The following GYPB variants were observed in gnomAD, a reference collection of about 807,000 sequenced individuals.
GYPB encodes glycophorin B (MNS blood group).
A neutral mutation model predicts 15.3 loss-of-function variants in GYPB; 13 were observed. The ratio of observed to expected loss-of-function variants is 0.85; its 90% CI spans 0.55 to 1.35. The LOEUF is 1.35. GYPB is among the 40% of genes most tolerant of loss of function. GYPB has a pLI of 0.00. For synonymous variants in GYPB, 38 were observed against 36.9 expected, an observed-to-expected ratio of 1.03 and a Z score of -0.11; for missense variants, 131 against 108.3, an observed-to-expected ratio of 1.21 and a Z score of -0.93.
In GYPB at chr4:144,015,543, G is replaced by T. The variant is rs188038966; in HGVS notation, c.37+3708C>A. Among the ~76,000 whole-genome samples, 128 of 151,510 alleles carry T rather than the reference G, an allele frequency of 8.4e-4. 7 individuals are homozygous for T. The highest frequency in any genetic ancestry group is 2.9e-3 in the African/African-American group (120 of 40,836). ...TCCCCAAAAGTATACTTCTCAAATAGTCTCATAGATGTTTTGAATAATCTT... is the reference window on the plus strand; with the variant it reads ...TCCCCAAAAGTATACTTCTCAAATATTCTCATAGATGTTTTGAATAATCTT... On this transcript the variant is annotated intron_variant, in intron 1 of 4. Coordinates refer to ENST00000502664, the MANE Select transcript of GYPB (RefSeq NM_002100.6).
intron 1 of GYPB, among the ~76,000 whole-genome samples, chr4:144,016,459 T>C (rs1728508133): frequency 6.7e-6 from 1 of 149,846 alleles, no homozygotes; most frequent in Non-Finnish European, 1.5e-5. Context: ...TTCTCTCTCC[T>C]TCTCCCTCCC....
At chr4:144,010,885 G>A (rs1193394846) in intron 1 of GYPB, among the ~76,000 whole-genome samples, 2 of 151,240 alleles carry the variant, frequency 1.3e-5, no homozygotes, top group Non-Finnish European at 2.9e-5. Flanking sequence ...ATTACAAGTA[G>A]GCTGTATACT....
intron 1 of GYPB, among the ~76,000 whole-genome samples, chr4:144,015,507 T>C (rs1728441579): frequency 6.6e-6 from 1 of 151,472 alleles, no homozygotes; most frequent in African/African-American, 2.5e-5. Flanking sequence ...TAAAGATAAC[T>C]TGGGGGAAAT....
At chr4:144,005,965 C>T (rs1370566919) in intron 1 of GYPB, among the ~76,000 whole-genome samples, 2 of 151,450 alleles carry the variant, frequency 1.3e-5, no homozygotes, top group African/African-American at 4.9e-5. Flanking sequence ...GCTTAGGTCA[C>T]CTAGCAGGCA....
chr4:144,000,409 G>A, intron 2 of GYPB: 1 of 1,135,384 alleles, frequency 8.8e-7, no homozygotes, highest in South Asian at 1.6e-5. Context: ...AGGGGAAACA[G>A]TTGTAACAGA....
At chr4:144,018,196 T>C (rs559848748) in intron 1 of GYPB, among the ~76,000 whole-genome samples, 12 of 151,492 alleles carry the variant, frequency 7.9e-5, no homozygotes, top group Middle Eastern at 3.4e-3. Context: ...AGTACCAACA[T>C]TGCCTGCATT....
intron 1 of GYPB, among the ~76,000 whole-genome samples, chr4:144,010,193 G>A (rs1316624130): frequency 5.9e-5 from 9 of 151,326 alleles, no homozygotes; most frequent in Non-Finnish European, 1.2e-4. Flanking sequence ...TCTAGGTGTG[G>A]TGGCTCATGC....
At chr4:144,004,785 T>A (rs1466803797) in intron 1 of GYPB, among the ~76,000 whole-genome samples, 1 of 151,890 alleles carries the variant, frequency 6.6e-6, no homozygotes, top group Non-Finnish European at 1.5e-5. Context: ...TCTCCTAGAT[T>A]CCTAAGACCC....
intron 1 of GYPB, among the ~76,000 whole-genome samples, chr4:144,012,912 A>G (rs1193844114): frequency 6.6e-6 from 1 of 151,728 alleles, no homozygotes; most frequent in African/African-American, 2.4e-5. Flanking sequence ...ATTTTTAGAT[A>G]TGATATCAAA....
chr4:143,996,636 A>G (rs6835071), intron 4 of GYPB, among the ~76,000 whole-genome samples: 103,819 of 149,406 alleles, frequency 0.69, 36,844 homozygotes, highest in East Asian at 0.95. Context: ...CAGGCATGGT[A>G]GCCCGCACCT....
In GYPB at chr4:143,996,543, T is replaced by C. The variant is rs551120245; in HGVS notation, c.271-239A>G. 3.3e-5 allele frequency among the ~76,000 whole-genome samples: 5 copies of C among 151,042 alleles called. No individual in the cohort carries two copies. The East Asian group carries it at 9.7e-4, about 29-fold the overall frequency. On this transcript the variant is annotated intron_variant, in intron 4 of 4. Transcript: ENST00000502664. ...CACTTTGGAGGCCAAGGCAGGTGGA[T>C]CACTTGAGGTCAGGAGTTTGAAACC...
At chr4:144,005,139 A>G (rs1727838442) in intron 1 of GYPB, among the ~76,000 whole-genome samples, 2 of 151,980 alleles carry the variant, frequency 1.3e-5, no homozygotes, top group Non-Finnish European at 2.9e-5. Context: ...CAGAAGGTAC[A>G]TTTAAGCTAG....
In GYPB at chr4:144,000,453, A is replaced by C. The variant is rs1262856134; in HGVS notation, c.136+732T>G. The C allele has an allele frequency of 4.2e-6, 5 of 1,178,628 alleles. No individual in the cohort carries two copies. The Admixed American group carries it at 1.4e-4, about 33-fold the overall frequency. 73.0% of individuals were successfully genotyped at this position (1,178,628 alleles called of 1,614,324 possible). On this transcript the variant is annotated intron_variant, in intron 2 of 4. Transcript: ENST00000502664. ...AAACTTCATTAGCAGTATGAGCTGG[A>C]CATGTGTCCCGTTTGTGCTTATCTG... is the stretch of plus-strand genomic sequence containing the variant.
At chr4:143,996,926 A>C (rs1727348339) in intron 4 of GYPB, among the ~76,000 whole-genome samples, 1 of 151,080 alleles carries the variant, frequency 6.6e-6, no homozygotes, top group African/African-American at 2.5e-5. Flanking sequence ...ATATTTATTG[A>C]GACATGGTCT....
intron 1 of GYPB, among the ~76,000 whole-genome samples, chr4:144,013,801 C>T (rs937993312): frequency 3.3e-5 from 5 of 150,740 alleles, no homozygotes; most frequent in South Asian, 2.1e-4. Flanking sequence ...GGGATAGCAT[C>T]GGGAGATATA....
Position 144,009,987 on chromosome 4 carries a change from A to G in GYPB, c.38-8704T>C, listed in dbSNP as rs184921108. ...GTAAGGTATACAAAACTAGGGGGCC[A>G]GCCGTTCACAGGCTATAGTTTGCTT... is the stretch of plus-strand genomic sequence containing the variant. On this transcript the variant is annotated intron_variant, in intron 1 of 4. Transcript: ENST00000502664. 7.3e-3 allele frequency among the ~76,000 whole-genome samples: 1,102 copies of G among 151,224 alleles called. 13 individuals are homozygous for G. Among genetic ancestry groups the G allele is most frequent in the South Asian group, 0.012 (59 of 4,810 alleles).
At chr4:144,014,502 T>G (rs1304444746) in intron 1 of GYPB, among the ~76,000 whole-genome samples, 1 of 151,506 alleles carries the variant, frequency 6.6e-6, no homozygotes, top group Non-Finnish European at 1.5e-5. Context: ...ATGGATGAAC[T>G]TTATTTTAGG....
intron 3 of GYPB, among the ~76,000 whole-genome samples, chr4:143,998,076 G>A (rs185965608): frequency 1.2e-3 from 178 of 151,462 alleles, no homozygotes; most frequent in Admixed American, 2.6e-3. Context: ...AAAGAAACTG[G>A]TATAAACAGT....
rs777374539 is a variant in GYPB, at chr4:144,001,266, C to G, written c.55G>C (p.Ala19Pro). The G allele has an allele frequency of 6.2e-7, 1 of 1,612,754 alleles. No homozygotes were observed. The highest frequency in any genetic ancestry group is 8.5e-7 in the Non-Finnish European group (1 of 1,179,810). The change falls in exon 2 of 5, where the codon GCA (alanine) becomes CCA (proline). Residue 19 changes from alanine to proline, a missense_variant. Coordinates refer to ENST00000502664, the MANE Select transcript of GYPB (RefSeq NM_002100.6). ...LLLSEIVSIS[A>P]LSTTEVAMHT... ...ATTGCCACCTCAGTGGTACTTAATG[C>G]TGATATGCTCACAATTTCTGTATAA...
Sources: gnomAD v4.1 joint callset for allele counts (sites outside exome capture counted in the v4.1 genomes callset) on GRCh38, gnomAD v4.1.1 for gene constraint, MANE v1.5 for transcripts, NCBI Gene and HGNC (gene_info 2026-07-23, HGNC 2026-07-21) for gene names.